Variants in PRKCA observed in about 807,000 individuals in gnomAD.
The protein encoded by PRKCA is protein kinase C alpha type.
Under a neutral mutation model 87.0 loss-of-function variants are expected in PRKCA, and 27 were observed. The observed-to-expected ratio is 0.31, with a 90% CI of 0.23 to 0.43. The LOEUF (loss-of-function observed/expected upper bound fraction) is 0.43, where lower values mean the gene tolerates loss of function less well. Among genes scored for constraint, PRKCA ranks in the 20% least tolerant of loss-of-function variants. The probability of loss-of-function intolerance (pLI) is 1.00; values close to 1 mark genes in which losing one functional copy is unlikely to be tolerated. For missense variants in PRKCA, 518 were observed against 852.3 expected (o/e 0.61, Z 4.88); for synonymous variants, 329 against 311.1 (o/e 1.06, Z -0.61).
At chr17:66,520,279 C>G (rs1035383498) in intron 3 of PRKCA, among the ~76,000 whole-genome samples, 1 of 151,918 alleles carries the variant, frequency 6.6e-6, no homozygotes, top group Non-Finnish European at 1.5e-5. Flanking sequence ...TACCACCATG[C>G]CCGGCTAATT....
chr17:66,543,364 T>C (rs2143149549), intron 3 of PRKCA, among the ~76,000 whole-genome samples: 1 of 152,330 alleles, frequency 6.6e-6, no homozygotes, highest in African/African-American at 2.4e-5. Flanking sequence ...CATTTTATTA[T>C]TTATATAATG....
chr17:66,624,441 C>T (rs1002856171), intron 3 of PRKCA, among the ~76,000 whole-genome samples: 1 of 152,152 alleles, frequency 6.6e-6, no homozygotes, highest in Non-Finnish European at 1.5e-5. Context: ...TGCCACTGGG[C>T]AGAGGGTTCT....
chr17:66,729,494 G>T (rs1200743149), intron 8 of PRKCA, among the ~76,000 whole-genome samples: 1 of 152,188 alleles, frequency 6.6e-6, no homozygotes, highest in Non-Finnish European at 1.5e-5. Flanking sequence ...TTAGAGGACT[G>T]GGCTGGCCCT....
chr17:66,553,496 T>A (rs1280746387), intron 3 of PRKCA, among the ~76,000 whole-genome samples: 1 of 152,214 alleles, frequency 6.6e-6, no homozygotes, highest in East Asian at 1.9e-4. Flanking sequence ...GCTTAACTCT[T>A]ATCCTCTTAA....
intron 2 of PRKCA, among the ~76,000 whole-genome samples, chr17:66,375,581 G>C (rs1468493664): frequency 6.6e-6 from 1 of 152,170 alleles, no homozygotes; most frequent in Admixed American, 6.5e-5. Flanking sequence ...CAAATGTTCT[G>C]TGTAAGCCCC....
At chr17:66,503,959 C>T (rs760604175) in intron 3 of PRKCA, among the ~76,000 whole-genome samples, 1 of 152,150 alleles carries the variant, frequency 6.6e-6, no homozygotes, top group African/African-American at 2.4e-5. Context: ...GTTAGATTTG[C>T]ATGAGGTACA....
intron 2 of PRKCA, among the ~76,000 whole-genome samples, chr17:66,351,849 A>C (rs1465844718): frequency 5.3e-5 from 8 of 152,104 alleles, no homozygotes; most frequent in African/African-American, 1.7e-4. Context: ...ACCAGGAGCC[A>C]AGGCACTGCT....
intron 2 of PRKCA, among the ~76,000 whole-genome samples, chr17:66,368,471 A>C (rs1340711101): frequency 1.4e-5 from 2 of 138,656 alleles, no homozygotes; most frequent in Non-Finnish European, 3.0e-5. Flanking sequence ...ACTCAAGGCA[A>C]CCTCCATCTC....
chr17:66,506,156 C>T (rs539198224), intron 3 of PRKCA, among the ~76,000 whole-genome samples: 2 of 152,054 alleles, frequency 1.3e-5, no homozygotes, highest in African/African-American at 4.8e-5. Context: ...TTTAGCCAGG[C>T]ATGGTGGTGT....
At chr17:66,462,084 A>C (rs62070449) in intron 2 of PRKCA, among the ~76,000 whole-genome samples, 20,441 of 151,982 alleles carry the variant, frequency 0.13, 1,465 homozygotes, top group Middle Eastern at 0.21. Flanking sequence ...AGGGTGTGTG[A>C]TATATTCTTT....
chr17:66,371,294 A>C (rs1346666632), intron 2 of PRKCA, among the ~76,000 whole-genome samples: 1 of 152,196 alleles, frequency 6.6e-6, no homozygotes, highest in Non-Finnish European at 1.5e-5. Flanking sequence ...GTTCAGAATG[A>C]AGAGAGAATT....
chr17:66,383,007 T>G (rs181562084), intron 2 of PRKCA, among the ~76,000 whole-genome samples: 5 of 152,354 alleles, frequency 3.3e-5, no homozygotes, highest in Middle Eastern at 3.4e-3. Context: ...TATACGTAAC[T>G]GTGTACTTAG....
intron 16 of PRKCA, among the ~76,000 whole-genome samples, chr17:66,802,169 G>A (rs1390276839): frequency 2.0e-5 from 3 of 151,880 alleles, no homozygotes; most frequent in Admixed American, 1.3e-4. Context: ...GCAGTGAGTC[G>A]TGCTCCCACC....
chr17:66,802,935 A>G (rs756305806), intron 16 of PRKCA, among the ~76,000 whole-genome samples: 40 of 152,242 alleles, frequency 2.6e-4, no homozygotes, highest in South Asian at 6.2e-4. Flanking sequence ...TCCTTAGTGA[A>G]ACTCCCAGCT....
At chr17:66,518,440 T>C (rs551022450) in intron 3 of PRKCA, among the ~76,000 whole-genome samples, 3 of 152,244 alleles carry the variant, frequency 2.0e-5, no homozygotes, top group Admixed American at 6.5e-5. Flanking sequence ...GGAAAAAATA[T>C]GATTTTTTGG....
chr17:66,639,247 A>G (rs996390045), intron 3 of PRKCA: 4 of 152,232 alleles, frequency 2.6e-5, no homozygotes, highest in African/African-American at 9.6e-5. Context: ...AAATTGTTTT[A>G]TAGTTCCAAT....
At chr17:66,664,774 A>G (rs960895154) in intron 5 of PRKCA, among the ~76,000 whole-genome samples, 7 of 146,740 alleles carry the variant, frequency 4.8e-5, no homozygotes, top group African/African-American at 1.8e-4. Flanking sequence ...CTTCTGCCTC[A>G]GCCCCTGTAG....
chr17:66,382,660 A>C (rs1909828130), intron 2 of PRKCA, among the ~76,000 whole-genome samples: 1 of 152,174 alleles, frequency 6.6e-6, no homozygotes, highest in Non-Finnish European at 1.5e-5. Context: ...TAGGGAGTAG[A>C]CAAAAGAAGT....
chr17:66,781,568 A>G (rs1975214362), intron 14 of PRKCA, among the ~76,000 whole-genome samples: 1 of 152,184 alleles, frequency 6.6e-6, no homozygotes, highest in African/African-American at 2.4e-5. Flanking sequence ...TAAGATACCA[A>G]TAGTCTACAT....
Sources: gnomAD v4.1 joint callset for allele counts (sites outside exome capture counted in the v4.1 genomes callset) on GRCh38, gnomAD v4.1.1 for gene constraint, MANE v1.5 for transcripts, NCBI Gene and HGNC (gene_info 2026-07-23, HGNC 2026-07-21) for gene names.